Variants in KHDRBS2 observed in about 807,000 individuals in gnomAD.
KHDRBS2 encodes KH RNA binding domain containing, signal transduction associated 2.
In KHDRBS2, 26 loss-of-function variants were observed where a neutral mutation model predicts 44.3. That is an observed-to-expected ratio of 0.59 (90% CI 0.43 to 0.81). The LOEUF is 0.81. Among genes scored for constraint, KHDRBS2 ranks in the 40% least tolerant of loss-of-function variants. The pLI, the probability that KHDRBS2 is intolerant of heterozygous loss-of-function variation, is 0.00. For missense variants in KHDRBS2, 476 were observed against 433.1 expected (o/e 1.10, Z -0.88); for synonymous variants, 194 against 151.1 (o/e 1.28, Z -2.08).
chr6:61,836,858 A>G (rs1792772367), intron 6 of KHDRBS2, among the ~76,000 whole-genome samples: 1 of 152,064 alleles, frequency 6.6e-6, no homozygotes. Context: ...TTATACTTCA[A>G]TTAGTTGGTG....
chr6:62,060,591 GTCTCTCTCTC>G (rs142998625), intron 2 of KHDRBS2, among the ~76,000 whole-genome samples: 6 of 145,768 alleles, frequency 4.1e-5, no homozygotes, highest in Non-Finnish European at 9.1e-5. Flanking sequence ...AATAGTAAAG[GTCTCTCTCTC>G]TCTCTCTGTC....
intron 2 of KHDRBS2, among the ~76,000 whole-genome samples, chr6:62,126,632 C>T (rs995203454): frequency 6.6e-6 from 1 of 152,186 alleles, no homozygotes; most frequent in Non-Finnish European, 1.5e-5. Context: ...CAGCTCACCA[C>T]AGACAGACTT....
At chr6:61,773,556 A>G (rs199561347) in intron 6 of KHDRBS2, among the ~76,000 whole-genome samples, 5 of 148,340 alleles carry the variant, frequency 3.4e-5, no homozygotes, top group African/African-American at 1.0e-4. Context: ...CTTTGTCAGA[A>G]GAGTAGGTTG....
chr6:62,181,298 G>C (rs185964426), intron 1 of KHDRBS2, among the ~76,000 whole-genome samples: 1 of 151,998 alleles, frequency 6.6e-6, no homozygotes, highest in East Asian at 1.9e-4. Context: ...CCATATATCT[G>C]ATAATAGATC....
At chr6:61,772,669 T>A (rs147807616) in intron 6 of KHDRBS2, among the ~76,000 whole-genome samples, 1 of 152,278 alleles carries the variant, frequency 6.6e-6, no homozygotes, top group East Asian at 1.9e-4. Context: ...CTTTAAGTTT[T>A]AGGGTACATG....
chr6:61,570,318 A>C, the KHDRBS2 span, among the ~76,000 whole-genome samples: 2 of 152,138 alleles, frequency 1.3e-5, no homozygotes, highest in African/African-American at 4.8e-5. Flanking sequence ...TAGAAGAAAG[A>C]AATTCAGAGC....
rs1346391301 is a variant in KHDRBS2 at position 62,198,141 on chromosome 6, A to T, written c.92-20829T>A. Among the ~76,000 whole-genome samples the T allele has an allele frequency of 2.0e-5, 3 of 152,336 alleles. No individual in the cohort carries two copies. The East Asian group carries it at 5.8e-4, about 29-fold the overall frequency. ...ATGCCCACAAGAGAAAGCAGGAAAG[A>T]TCTAAAATTGACACCCTAACATCAC... is the stretch of plus-strand genomic sequence containing the variant. On this transcript the variant is annotated intron_variant, in intron 1 of 8. Transcript: ENST00000281156.
the KHDRBS2 span, among the ~76,000 whole-genome samples, chr6:61,603,197 C>T: frequency 3.9e-5 from 6 of 152,168 alleles, no homozygotes; most frequent in Admixed American, 3.9e-4. Context: ...TTCCATTTTA[C>T]CTGTCCTAAA....
chr6:61,823,747 G>A (rs1297676231), intron 6 of KHDRBS2, among the ~76,000 whole-genome samples: 1 of 152,046 alleles, frequency 6.6e-6, no homozygotes, highest in African/African-American at 2.4e-5. Flanking sequence ...GATTTAAGAT[G>A]ACCTTGTACC....
intron 4 of KHDRBS2, among the ~76,000 whole-genome samples, chr6:61,942,084 C>G (rs1265143105): frequency 1.3e-5 from 2 of 150,618 alleles, no homozygotes; most frequent in African/African-American, 4.9e-5. Context: ...CCTCAGCCTC[C>G]TGAGTAGCTA....
chr6:61,724,317 G>T (rs534400042), intron 7 of KHDRBS2, among the ~76,000 whole-genome samples: 1 of 152,092 alleles, frequency 6.6e-6, no homozygotes, highest in South Asian at 2.1e-4. Flanking sequence ...CTTAAAAATA[G>T]ACTAAATATG....
At chr6:61,591,795 G>T in the KHDRBS2 span, among the ~76,000 whole-genome samples, 1 of 152,170 alleles carries the variant, frequency 6.6e-6, no homozygotes, top group Non-Finnish European at 1.5e-5. Flanking sequence ...AACATCAGGG[G>T]CAAGCAGTAA....
intron 4 of KHDRBS2, among the ~76,000 whole-genome samples, chr6:61,951,979 G>T (rs1764848633): frequency 1.3e-5 from 2 of 151,968 alleles, no homozygotes; most frequent in African/African-American, 4.8e-5. Context: ...GAGCTAAACT[G>T]TTGATCAGAA....
chr6:61,698,168 T>C (rs1768131648), intron 7 of KHDRBS2, among the ~76,000 whole-genome samples: 1 of 152,202 alleles, frequency 6.6e-6, no homozygotes, highest in African/African-American at 2.4e-5. Flanking sequence ...TTTAACACAG[T>C]TGATTATTTC....
rs536538845 is a variant in KHDRBS2, at chr6:61,956,042, A to T, written c.483+22024T>A. Among the ~76,000 whole-genome samples the T allele has an allele frequency of 1.3e-3, 202 of 152,110 alleles. 1 individual carries two copies. Among genetic ancestry groups the T allele is most frequent in the African/African-American group, 4.6e-3 (190 of 41,486 alleles). On this transcript the variant is annotated intron_variant, in intron 4 of 8. Transcript: ENST00000281156. ...ACCCCATCTCTACTGAAAATACAAA[A>T]ATTAGCTGGGCGTGGTGGTGTGCGT... is the stretch of plus-strand genomic sequence containing the variant.
At chr6:62,019,133 G>T (rs1049572338) in intron 3 of KHDRBS2, among the ~76,000 whole-genome samples, 3 of 151,972 alleles carry the variant, frequency 2.0e-5, no homozygotes, top group Non-Finnish European at 2.9e-5. Context: ...TAACTCTGAT[G>T]TTTCTGGTGG....
At chr6:61,643,728 C>T in the KHDRBS2 span, among the ~76,000 whole-genome samples, 2 of 152,038 alleles carry the variant, frequency 1.3e-5, no homozygotes, top group African/African-American at 2.4e-5. Context: ...GAATAAAATA[C>T]CTAGGAATAC....
chr6:62,213,315 G>A (rs1829404219), intron 1 of KHDRBS2, among the ~76,000 whole-genome samples: 1 of 151,862 alleles, frequency 6.6e-6, no homozygotes, highest in Non-Finnish European at 1.5e-5. Flanking sequence ...TTTATGTCCC[G>A]AGATTGAGGT....
chr6:61,865,898 C>T (rs1054332283), intron 6 of KHDRBS2, among the ~76,000 whole-genome samples: 12 of 152,222 alleles, frequency 7.9e-5, no homozygotes, highest in Admixed American at 3.3e-4. Flanking sequence ...ATCCAGGTCA[C>T]GCTGATGCAA....
Sources: gnomAD v4.1 joint callset for allele counts (sites outside exome capture counted in the v4.1 genomes callset) on GRCh38, gnomAD v4.1.1 for gene constraint, MANE v1.5 for transcripts, NCBI Gene and HGNC (gene_info 2026-07-23, HGNC 2026-07-21) for gene names.